The following NTNG1 variants were observed in gnomAD, a reference collection of about 807,000 sequenced individuals.
The protein encoded by NTNG1 is netrin-G1.
Under a neutral mutation model 54.0 loss-of-function variants are expected in NTNG1, and 16 were observed. The observed-to-expected ratio is 0.30, with a 90% CI of 0.20 to 0.45. NTNG1 has a LOEUF of 0.45. Ranked by LOEUF, NTNG1 falls within the 20% of genes least tolerant of loss-of-function variation. The pLI, the probability that NTNG1 is intolerant of heterozygous loss-of-function variation, is 1.00. For missense variants in NTNG1, 530 were observed against 678.7 expected, an observed-to-expected ratio of 0.78 and a Z score of 2.43; for synonymous variants, 255 against 263.1, an observed-to-expected ratio of 0.97 and a Z score of 0.30.
rs142273985 is a variant in NTNG1, at chr1:107,180,715, G to A, written c.246+31876G>A. Among the ~76,000 whole-genome samples, 678 of 152,028 alleles carry A rather than the reference G, an allele frequency of 4.5e-3. 6 individuals carry two copies. The highest frequency in any genetic ancestry group is 0.02 in the Middle Eastern group (6 of 294). On this transcript the variant is annotated intron_variant, in intron 2 of 7. Coordinates refer to ENST00000370068, the MANE Select transcript of NTNG1 (RefSeq NM_001113226.3). ...CTTAACTCAGAGGCTTATAATTTTT[G>A]GCAGGCTTTGTTATCCAAAATTTTC...
At chr1:107,412,977 C>T (rs1673931934) in intron 5 of NTNG1, among the ~76,000 whole-genome samples, 1 of 152,116 alleles carries the variant, frequency 6.6e-6, no homozygotes, top group Non-Finnish European at 1.5e-5. Flanking sequence ...CTGCCAGTAT[C>T]ACACTAAACT....
intron 3 of NTNG1, among the ~76,000 whole-genome samples, chr1:107,371,374 T>C (rs1470304447): frequency 6.6e-6 from 1 of 152,096 alleles, no homozygotes; most frequent in Non-Finnish European, 1.5e-5. Context: ...TGCTAAATTT[T>C]TGTTTAGAAT....
intron 3 of NTNG1, among the ~76,000 whole-genome samples, chr1:107,354,138 G>A (rs1166132378): frequency 6.6e-6 from 1 of 151,998 alleles, no homozygotes; most frequent in Non-Finnish European, 1.5e-5. Context: ...TTGGATAACT[G>A]ATTGTTCCAG....
At chr1:107,443,926 C>G (rs17531739) in intron 7 of NTNG1, among the ~76,000 whole-genome samples, 12,119 of 152,098 alleles carry the variant, frequency 0.08, 565 homozygotes, top group Non-Finnish European at 0.11. Context: ...TACTGTGGTA[C>G]GACTCCTAAG....
intron 2 of NTNG1, among the ~76,000 whole-genome samples, 198 bp downstream of exon 2, chr1:107,149,037 C>A (rs1654355453): frequency 6.6e-6 from 1 of 152,014 alleles, no homozygotes; most frequent in Non-Finnish European, 1.5e-5. Context: ...GATTGATGCC[C>A]TGGAAGGAAC....
At chr1:107,255,497 C>G (rs995820693) in intron 2 of NTNG1, among the ~76,000 whole-genome samples, 1 of 152,092 alleles carries the variant, frequency 6.6e-6, no homozygotes, top group Non-Finnish European at 1.5e-5. Context: ...ATATTTAAGG[C>G]CTTTTTGATT....
At chr1:107,302,043 A>G (rs1200674868) in intron 2 of NTNG1, among the ~76,000 whole-genome samples, 3 of 152,102 alleles carry the variant, frequency 2.0e-5, no homozygotes, top group African/African-American at 7.2e-5. Context: ...CAACCTCTTT[A>G]TATTACAAAC....
intron 2 of NTNG1, among the ~76,000 whole-genome samples, chr1:107,258,828 A>G (rs1309276866): frequency 6.6e-6 from 1 of 152,210 alleles, no homozygotes; most frequent in African/African-American, 2.4e-5. Context: ...TTGGTCTGAC[A>G]GTGTAGCCAT....
chr1:107,242,318 G>T (rs934717580), intron 2 of NTNG1, among the ~76,000 whole-genome samples: 1 of 151,754 alleles, frequency 6.6e-6, no homozygotes, highest in East Asian at 2.0e-4. Flanking sequence ...AAAAGAATAT[G>T]TTTGATCTCG....
At chr1:107,476,378 C>G (rs1678328152) in intron 7 of NTNG1, among the ~76,000 whole-genome samples, 2 of 152,154 alleles carry the variant, frequency 1.3e-5, no homozygotes, top group Middle Eastern at 3.2e-3. Context: ...ACCACCCCAG[C>G]TCCAAATTTG....
At chr1:107,461,610 T>C (rs1677286911) in intron 7 of NTNG1, among the ~76,000 whole-genome samples, 2 of 151,734 alleles carry the variant, frequency 1.3e-5, no homozygotes, top group African/African-American at 4.8e-5. Flanking sequence ...CTCGGCTCAC[T>C]GCAACCTCTG....
intron 1 of NTNG1, among the ~76,000 whole-genome samples, chr1:107,141,683 A>G (rs1190552793): frequency 2.6e-5 from 4 of 151,778 alleles, no homozygotes; most frequent in Non-Finnish European, 5.9e-5. Context: ...CCCACACACA[A>G]GTCTTCCCGG....
chr1:107,380,351 G>A (rs1671566617), intron 3 of NTNG1, among the ~76,000 whole-genome samples: 1 of 152,270 alleles, frequency 6.6e-6, no homozygotes, highest in Non-Finnish European at 1.5e-5. Context: ...GGGGGAGATG[G>A]GAGAAGGAGG....
chr1:107,229,085 C>A (rs560167713), intron 2 of NTNG1, among the ~76,000 whole-genome samples: 1 of 151,916 alleles, frequency 6.6e-6, no homozygotes, highest in Non-Finnish European at 1.5e-5. Context: ...TAGCTGCATG[C>A]GTAACCTAGC....
chr1:107,381,115 C>T (rs1671618915), intron 3 of NTNG1, among the ~76,000 whole-genome samples: 1 of 152,008 alleles, frequency 6.6e-6, no homozygotes, highest in African/African-American at 2.4e-5. Flanking sequence ...GGACCTAAAA[C>T]TTATCAAGTA....
At chr1:107,411,881 G>C (rs1673838904) in intron 5 of NTNG1, among the ~76,000 whole-genome samples, 1 of 152,084 alleles carries the variant, frequency 6.6e-6, no homozygotes, top group Non-Finnish European at 1.5e-5. Flanking sequence ...AAATCTTGTG[G>C]TTATCCTAAA....
At chr1:107,356,860 G>A (rs754972025) in intron 3 of NTNG1, among the ~76,000 whole-genome samples, 4 of 151,956 alleles carry the variant, frequency 2.6e-5, no homozygotes, top group Admixed American at 1.3e-4. Context: ...AAAGTTAGCC[G>A]GGCATGTTGG....
intron 3 of NTNG1, among the ~76,000 whole-genome samples, chr1:107,374,661 G>C (rs1467893612): frequency 6.6e-6 from 1 of 151,992 alleles, no homozygotes; most frequent in South Asian, 2.1e-4. Flanking sequence ...CTGTTTTAAT[G>C]TCCTGTCTGC....
intron 2 of NTNG1, among the ~76,000 whole-genome samples, chr1:107,218,325 C>T (rs1660107512): frequency 6.6e-6 from 1 of 151,988 alleles, no homozygotes; most frequent in Non-Finnish European, 1.5e-5. Flanking sequence ...ATTCTTTTAC[C>T]TTAAATTTAC....
Sources: allele counts gnomAD v4.1 joint callset (sites outside exome capture counted in the v4.1 genomes callset), GRCh38; gene constraint gnomAD v4.1.1; transcripts MANE v1.5; gene names NCBI Gene and HGNC (gene_info 2026-07-23, HGNC 2026-07-21).